The following OR2L3 variants were observed in gnomAD, a reference collection of about 807,000 sequenced individuals.
The protein encoded by OR2L3 is olfactory receptor 2L3.
For missense variants in OR2L3, 369 were observed against 376.6 expected (o/e 0.98, Z 0.17); for synonymous variants, 131 against 139.1 (o/e 0.94, Z 0.41).
At chr1:248,051,824 T>A (rs2103112719) in intron 1 of OR2L3, among the ~76,000 whole-genome samples, 1 of 152,308 alleles carries the variant, frequency 6.6e-6, no homozygotes, top group Admixed American at 6.5e-5. Flanking sequence ...AATTGTTGGA[T>A]CATATACTTA....
chr1:248,052,793 A>G (rs1175953102), intron 1 of OR2L3, among the ~76,000 whole-genome samples: 2 of 152,094 alleles, frequency 1.3e-5, no homozygotes, highest in Non-Finnish European at 2.9e-5. Flanking sequence ...AAAAAAGTCA[A>G]GATTTTTTGA....
chr1:248,047,339 C>T lies in OR2L3; in HGVS notation c.-22+459C>T, dbSNP rs573876255. Among the ~76,000 whole-genome samples the T allele has an allele frequency of 9.9e-5, 15 of 152,028 alleles. No individual in the cohort carries two copies. The South Asian group carries it at 3.1e-3, about 32-fold the overall frequency. On this transcript the variant is annotated intron_variant, in intron 1 of 1. Coordinates refer to ENST00000359959, the MANE Select transcript of OR2L3 (RefSeq NM_001004687.2). ...TGCTACTTCTCACTTTGTATTTTAC[C>T]TTATATGAATCCAGTGTTTCTAATG...
chr1:248,056,652 G>C (rs181767613), intron 1 of OR2L3, among the ~76,000 whole-genome samples: 16 of 141,818 alleles, frequency 1.1e-4, no homozygotes, highest in African/African-American at 4.0e-4. Flanking sequence ...TTTCCCTGTA[G>C]TTGTGTGGTT....
intron 1 of OR2L3, among the ~76,000 whole-genome samples, chr1:248,048,190 A>C (rs938651960): frequency 2.0e-5 from 3 of 152,150 alleles, no homozygotes; most frequent in African/African-American, 7.2e-5. Context: ...ACCATCGTGG[A>C]CCTCAATGGC....
chr1:248,060,409 C>A (rs919899836), intron 1 of OR2L3, among the ~76,000 whole-genome samples: 1 of 152,088 alleles, frequency 6.6e-6, no homozygotes, highest in Non-Finnish European at 1.5e-5. Flanking sequence ...AAGATAGAGA[C>A]CATATTGACA....
intron 1 of OR2L3, chr1:248,051,258 A>C (rs997041405): frequency 2.0e-5 from 3 of 152,214 alleles, no homozygotes; most frequent in African/African-American, 7.2e-5. Context: ...GAATTCTTAC[A>C]ATATTTGTCT....
chr1:248,058,354 C>G (rs895174468), intron 1 of OR2L3, among the ~76,000 whole-genome samples: 3 of 152,082 alleles, frequency 2.0e-5, no homozygotes, highest in Admixed American at 1.3e-4. Flanking sequence ...ATACAGACCC[C>G]CATGGATAGT....
chr1:248,056,664 T>C (rs1004353156), intron 1 of OR2L3, among the ~76,000 whole-genome samples: 14 of 125,190 alleles, frequency 1.1e-4, no homozygotes, highest in Non-Finnish European at 1.8e-4. Flanking sequence ...TGTGTGGTTT[T>C]GAGGGGGCTT....
chr1:248,053,038 C>T (rs181807891), intron 1 of OR2L3, among the ~76,000 whole-genome samples: 92 of 152,014 alleles, frequency 6.1e-4, no homozygotes, highest in Non-Finnish European at 1.1e-3. Flanking sequence ...ATTTGCTGCA[C>T]GTATCAATCC....
chr1:248,048,450 A>G (rs1663151200), intron 1 of OR2L3, among the ~76,000 whole-genome samples: 1 of 152,212 alleles, frequency 6.6e-6, no homozygotes. Context: ...AATCTCCTGT[A>G]GGATTCCATG....
chr1:248,062,854 A>G lies in OR2L3; in HGVS notation c.*1234A>G, dbSNP rs1663689909. 1 of 152,176 alleles carries G rather than the reference A, an allele frequency of 6.6e-6. No individual in the cohort carries two copies. Among genetic ancestry groups the G allele is most frequent in the African/African-American group, 2.4e-5 (1 of 41,446 alleles). 9.4% of individuals were successfully genotyped at this position (152,176 alleles called of 1,614,324 possible). ...AAAGCATCACATACACTCCGCAATT[A>G]TATATTACTATTATGTATCCATAGT... On this transcript the variant is annotated 3_prime_UTR_variant, in exon 2 of 2. Transcript: ENST00000359959.
intron 1 of OR2L3, among the ~76,000 whole-genome samples, chr1:248,060,001 T>A (rs1039747985): frequency 6.6e-6 from 1 of 151,560 alleles, no homozygotes; most frequent in African/African-American, 2.4e-5. Context: ...ATATTGCCAC[T>A]TCACTCCCAC....
Position 248,061,522 on chromosome 1 carries a change from A to T in OR2L3, c.841A>T (p.Thr281Ser). The T allele has an allele frequency of 6.2e-7, 1 of 1,613,348 alleles. No homozygotes were observed. Reference protein sequence around the residue: ...KVLAVFYTTLTPMLNPIIYSL... With the variant: ...KVLAVFYTTLSPMLNPIIYSL... ...TCTGGCTGTCTTCTACACCACCCTCACTCCAATGCTCAACCCCATCATCTA... is the reference window on the plus strand; with the variant it reads ...TCTGGCTGTCTTCTACACCACCCTCTCTCCAATGCTCAACCCCATCATCTA... Residue 281 changes from threonine to serine, a missense_variant, in exon 2 of 2, where the codon ACT becomes TCT. Coordinates refer to ENST00000359959, the MANE Select transcript of OR2L3 (RefSeq NM_001004687.2).
Position 248,063,250 on chromosome 1 carries a change from T to A in OR2L3, c.*1630T>A, listed in dbSNP as rs2103130278. ...TCTTTCCATTCATTTGTATTCCTCT[T>A]CATTTTCTTTCACCAGTGATTTGTA... On this transcript the variant is annotated 3_prime_UTR_variant, in exon 2 of 2. Coordinates refer to ENST00000359959, the MANE Select transcript of OR2L3 (RefSeq NM_001004687.2). 6.6e-6 allele frequency: 1 copy of A among 152,380 alleles called. No homozygotes were observed. The highest frequency in any genetic ancestry group is 2.4e-5 in the African/African-American group (1 of 41,590). 9.4% of individuals were successfully genotyped at this position (152,380 alleles called of 1,614,324 possible). A position where few individuals can be genotyped will look rare whatever the true frequency, so the allele number is the denominator to read the frequency against.
intron 1 of OR2L3, among the ~76,000 whole-genome samples, chr1:248,056,825 A>G (rs1323698020): frequency 6.6e-6 from 1 of 151,064 alleles, no homozygotes; most frequent in African/African-American, 2.4e-5. Flanking sequence ...ATTTTTTTGG[A>G]TTTTAGTAGA....
At chr1:248,058,117 T>C (rs1389739855) in intron 1 of OR2L3, among the ~76,000 whole-genome samples, 1 of 152,164 alleles carries the variant, frequency 6.6e-6, no homozygotes, top group Non-Finnish European at 1.5e-5. Flanking sequence ...AACTGTCACA[T>C]AATTTTTACA....
intron 1 of OR2L3, among the ~76,000 whole-genome samples, chr1:248,056,150 A>G (rs1663426122): frequency 6.6e-6 from 1 of 151,692 alleles, no homozygotes; most frequent in South Asian, 2.1e-4. Context: ...GTTCATTGGA[A>G]TCTTCTCTCT....
chr1:248,061,494 G>A lies in OR2L3; in HGVS notation c.813G>A (p.Lys271=). Residue 271 remains lysine (K), a synonymous_variant, in exon 2 of 2, where the codon AAG becomes AAA. Transcript: ENST00000359959. ...PRSLRSPTED[K]VLAVFYTTLT... ...CCCTGCGATCTCCAACAGAGGACAAGGTTCTGGCTGTCTTCTACACCACCC... is the reference window on the plus strand; with the variant it reads ...CCCTGCGATCTCCAACAGAGGACAAAGTTCTGGCTGTCTTCTACACCACCC... 6.2e-7 allele frequency: 1 copy of A among 1,613,924 alleles called. No individual in the cohort carries two copies. Among genetic ancestry groups the A allele is most frequent in the Admixed American group, 1.7e-5 (1 of 59,986 alleles).
At chr1:248,054,680 G>A (rs1663376249) in intron 1 of OR2L3, among the ~76,000 whole-genome samples, 1 of 152,012 alleles carries the variant, frequency 6.6e-6, no homozygotes. Flanking sequence ...TGTATTCCCA[G>A]GTATTTTATT....
Sources: allele counts gnomAD v4.1 joint callset (sites outside exome capture counted in the v4.1 genomes callset), GRCh38; gene constraint gnomAD v4.1.1; transcripts MANE v1.5; gene names NCBI Gene and HGNC (gene_info 2026-07-23, HGNC 2026-07-21).